The following SPPL2B variants were observed in gnomAD, a reference collection of about 807,000 sequenced individuals.
SPPL2B encodes signal peptide peptidase like 2B.
A neutral mutation model predicts 59.7 loss-of-function variants in SPPL2B; 39 were observed. The observed-to-expected ratio is 0.65, with a 90% CI of 0.51 to 0.85. SPPL2B has a LOEUF of 0.85. SPPL2B is among the 40% of genes least tolerant of loss of function. The pLI, the probability that SPPL2B is intolerant of heterozygous loss-of-function variation, is 0.00. For missense variants in SPPL2B, 865 were observed against 849.0 expected (o/e 1.02, Z -0.23); for synonymous variants, 419 against 370.8 (o/e 1.13, Z -1.49).
rs548379380 is a variant in SPPL2B, at chr19:2,334,526, C to T, written c.67-76C>T. The T allele has an allele frequency of 4.4e-5, 67 of 1,524,464 alleles. No individual in the cohort carries two copies. In the South Asian group the frequency reaches 5.7e-4, roughly 13 times the overall value. The allele number at this position is 1,524,464 out of a possible 1,614,324, so 94.4% of individuals were successfully genotyped here. On this transcript the variant is annotated intron_variant, in intron 1 of 14. Transcript: ENST00000613503. ...CTTCCTGGAGGCGTCCTCCCCTCCT[C>T]GGGCCTGTTTCTCGTGGGGCGGTGC...
intron 7 of SPPL2B, 75 bp downstream of exon 7, chr19:2,340,247 C>G: frequency 8.7e-7 from 1 of 1,147,058 alleles, no homozygotes; most frequent in Non-Finnish European, 1.2e-6. Flanking sequence ...CGCCCCATAG[C>G]CCCCCATGGT....
chr19:2,337,732 G>A, intron 3 of SPPL2B, 107 bp downstream of exon 3: 1 of 1,158,326 alleles, frequency 8.6e-7, no homozygotes, highest in Non-Finnish European at 1.2e-6. Context: ...TCTCGCTAAA[G>A]GCAGATCCAT....
At chr19:2,348,854 C>G (rs1362065076) in intron 13 of SPPL2B, among the ~76,000 whole-genome samples, 1 of 148,922 alleles carries the variant, frequency 6.7e-6, no homozygotes, top group Non-Finnish European at 1.5e-5. Context: ...TCCACACACA[C>G]TCACGCGCTG....
intron 11 of SPPL2B, 61 bp from the exon 12 acceptor site, chr19:2,344,492 C>T (rs530102475): frequency 1.6e-5 from 25 of 1,565,736 alleles, no homozygotes; most frequent in East Asian, 4.6e-5. Context: ...GGATAGGGCT[C>T]GAGGCATCCC....
At chr19:2,329,597 C>T (rs1968172620) in intron 1 of SPPL2B, among the ~76,000 whole-genome samples, 1 of 152,182 alleles carries the variant, frequency 6.6e-6, no homozygotes, top group Admixed American at 6.5e-5. Context: ...ACAAATGCAG[C>T]CCTTAACCTT....
intron 1 of SPPL2B, 128 bp downstream of exon 1, chr19:2,328,903 C>G (rs1015580341): frequency 4.8e-6 from 4 of 835,612 alleles, no homozygotes; most frequent in Non-Finnish European, 6.6e-6. Context: ...TCCGCCGTCC[C>G]CGCGTTGTCG....
chr19:2,338,416 AAGGCGGC>A, intron 3 of SPPL2B: 1 of 203,942 alleles, frequency 4.9e-6, no homozygotes, highest in Admixed American at 5.7e-5. Flanking sequence ...TGCGGGGCTC[AAGGCGGC>A]TTAGTGGGCA....
chr19:2,342,915 G>A (rs1969141046), intron 8 of SPPL2B: 1 of 413,018 alleles, frequency 2.4e-6, no homozygotes, highest in Non-Finnish European at 4.6e-6. Flanking sequence ...CAGCGACCGA[G>A]GAGACGCAGC....
rs368980475 is a variant in SPPL2B, at chr19:2,339,956, C to T, written c.732C>T (p.Tyr244=). Residue 244 remains tyrosine (Y), a synonymous_variant, in exon 6 of 15, where the codon TAC becomes TAT. Transcript: ENST00000613503. ...CSMLVLLYYF[Y]DLLVYVVIGI... ...TGCTGGTGCTGCTCTACTATTTCTA[C>T]GATCTCCTCGGTGCGCGGCCCCGGG... 1.1e-5 allele frequency: 17 copies of T among 1,554,226 alleles called. 1 individual carries two copies. Among genetic ancestry groups the T allele is most frequent in the Admixed American group, 3.9e-5 (2 of 51,166 alleles).
At chr19:2,334,576 C>G (rs757932942) in intron 1 of SPPL2B, 26 bp from the exon 2 acceptor site, 3 of 1,599,364 alleles carry the variant, frequency 1.9e-6, no homozygotes, top group Non-Finnish European at 1.7e-6. Context: ...CGTGCTGTGG[C>G]TCTGACTGCT....
At position 2,339,080 on chromosome 19, in the gene SPPL2B, C is replaced by T. The variant is rs777994990; in HGVS notation, c.471C>T (p.Arg157=). Residue 157 remains arginine, a synonymous_variant, in exon 5 of 15, where the codon CGC becomes CGT. Transcript: ENST00000613503. ...GTTCCTTGAGGCAGCGTTTCGGCCGCACGGTGAGGGCGGCGCTGTATGCGC... is the reference window on the plus strand; with the variant it reads ...GTTCCTTGAGGCAGCGTTTCGGCCGTACGGTGAGGGCGGCGCTGTATGCGC... ...DMLDIFTRFG[R]TVRAALYAPK... 1 of 1,560,286 alleles carries T rather than the reference C, an allele frequency of 6.4e-7. No individual in the cohort carries two copies. The highest frequency in any genetic ancestry group is 1.2e-5 in the South Asian group (1 of 85,070).
chr19:2,351,303 C>T, intron 13 of SPPL2B, 131 bp from the exon 14 acceptor site: 1 of 713,258 alleles, frequency 1.4e-6, no homozygotes, highest in Non-Finnish European at 2.3e-6. Flanking sequence ...CCGGCTGAAC[C>T]CCCACTGTAC....
intron 8 of SPPL2B, 37 bp from the exon 9 acceptor site, chr19:2,343,174 G>A: frequency 1.3e-6 from 2 of 1,532,958 alleles, no homozygotes; most frequent in Non-Finnish European, 1.8e-6. Context: ...TGGTCAGCCA[G>A]CCTCTGCCCC....
intron 5 of SPPL2B, chr19:2,339,580 G>A (rs986857018): frequency 1.2e-5 from 7 of 597,996 alleles, no homozygotes; most frequent in South Asian, 4.0e-5. Context: ...CTGCCCACAC[G>A]CCAGCCTCTG....
rs758823861 is a variant in SPPL2B, at chr19:2,343,276, G to A, written c.1022G>A (p.Arg341His). ...TGCCTCTACATGCTGAAGACCATCC[G>A]TCTGCCCACCTTCAAGGTGAGTGCA... ...AFCLYMLKTI[R>H]LPTFKACTLL... is the part of the protein sequence containing the mutation. The change falls in exon 9 of 15, where the codon CGT becomes CAT. Residue 341 changes from arginine (R) to histidine (H), a missense_variant. Arg to His is a conservative substitution (Grantham distance 29, BLOSUM62 0). Coordinates refer to ENST00000613503, the MANE Select transcript of SPPL2B (RefSeq NM_152988.3). The A allele has an allele frequency of 1.9e-6, 3 of 1,553,694 alleles. No homozygotes were observed. The highest frequency in any genetic ancestry group is 1.9e-5 in the Admixed American group (1 of 51,328).
At position 2,347,761 on chromosome 19, in the gene SPPL2B, CCA is replaced by C. The variant is rs766765420; in HGVS notation, c.1354+2443_1354+2444del. 2.5e-3 allele frequency among the ~76,000 whole-genome samples: 49 copies of C among 19,992 alleles called. 6 individuals are homozygous for C. The highest frequency in any genetic ancestry group is 4.0e-3 in the Non-Finnish European group (34 of 8,494). The allele number at this position is 19,992 out of a possible 152,430, so 13.1% of individuals were successfully genotyped here. ...TCATTCGCCTGATTCCGTTCTCTCT[CCA>C]CACACACACACTCTCATTCGCCTGA... On this transcript the variant is annotated intron_variant, in intron 13 of 14. Coordinates refer to ENST00000613503, the MANE Select transcript of SPPL2B (RefSeq NM_152988.3).
intron 8 of SPPL2B, chr19:2,342,975 A>G (rs982641173): frequency 4.2e-5 from 23 of 550,860 alleles, no homozygotes; most frequent in Admixed American, 2.8e-4. Context: ...GGGCTCCTCT[A>G]CCTGCTTCCG....
chr19:2,328,906 C>T (rs961755128), intron 1 of SPPL2B, 131 bp downstream of exon 1: 13 of 787,864 alleles, frequency 1.7e-5, no homozygotes, highest in Non-Finnish European at 2.3e-5. Context: ...GCCGTCCCCG[C>T]GTTGTCGGCC....
intron 5 of SPPL2B, among the ~76,000 whole-genome samples, chr19:2,339,416 G>T (rs888040628): frequency 6.6e-6 from 1 of 152,224 alleles, no homozygotes; most frequent in African/African-American, 2.4e-5. Context: ...TGGTGGGTGT[G>T]TAGGGCTGGG....
Sources: gnomAD v4.1 joint callset for allele counts (sites outside exome capture counted in the v4.1 genomes callset) on GRCh38, gnomAD v4.1.1 for gene constraint, MANE v1.5 for transcripts, NCBI Gene and HGNC (gene_info 2026-07-23, HGNC 2026-07-21) for gene names.